Variants in IRAK3 observed in about 807,000 individuals in gnomAD.
IRAK3 encodes interleukin-1 receptor-associated kinase 3.
Under a neutral mutation model 56.6 loss-of-function variants are expected in IRAK3, and 57 were observed. That is an observed-to-expected ratio of 1.01 (90% CI 0.81 to 1.26). The LOEUF (loss-of-function observed/expected upper bound fraction) is 1.26. Among genes scored for constraint, IRAK3 ranks in the 50% most tolerant of loss-of-function variants. IRAK3 has a pLI of 0.00. For missense variants in IRAK3, 703 were observed against 719.0 expected (o/e 0.98, Z 0.25); for synonymous variants, 258 against 255.7 (o/e 1.01, Z -0.09).
chr12:66,229,786 C>T (rs1321294074), intron 8 of IRAK3, among the ~76,000 whole-genome samples: 1 of 152,168 alleles, frequency 6.6e-6, no homozygotes, highest in African/African-American at 2.4e-5. Flanking sequence ...CTCCTCCACT[C>T]AGCTTGCAAC....
At chr12:66,197,003 A>G (rs2052460411) in intron 1 of IRAK3, 2 of 1,533,852 alleles carry the variant, frequency 1.3e-6, no homozygotes, top group Non-Finnish European at 1.7e-6. Context: ...ACCCCTTCAG[A>G]GACATATTTG....
chr12:66,222,648 T>C (rs1317515423), intron 6 of IRAK3, among the ~76,000 whole-genome samples: 1 of 152,172 alleles, frequency 6.6e-6, no homozygotes, highest in Non-Finnish European at 1.5e-5. Flanking sequence ...TTCTATGAAG[T>C]AGCTTATAAT....
intron 1 of IRAK3, among the ~76,000 whole-genome samples, chr12:66,200,474 G>C (rs2052496038): frequency 6.6e-6 from 1 of 152,164 alleles, no homozygotes; most frequent in Admixed American, 6.5e-5. Flanking sequence ...AAAGGGCAGG[G>C]AGATGGAATC....
intron 2 of IRAK3, among the ~76,000 whole-genome samples, chr12:66,205,487 A>G (rs1006131664): frequency 6.6e-5 from 10 of 152,208 alleles, no homozygotes; most frequent in Non-Finnish European, 1.0e-4. Flanking sequence ...ATTAAATAAC[A>G]ATTTTGAAAA....
At position 66,189,250 on chromosome 12, in the gene IRAK3, G is replaced by A; in HGVS notation, c.-50G>A. On this transcript the variant is annotated 5_prime_UTR_variant, in exon 1 of 12. In the 5' UTR this introduces an upstream ATG that the reference lacks. Coordinates refer to ENST00000261233, the MANE Select transcript of IRAK3 (RefSeq NM_007199.3). ...GGTTGTGTAACGGCCTGTCGCAGGC[G>A]TGCAGGGACCTGGACTCCGCCTCGT... The A allele has an allele frequency of 1.3e-6, 2 of 1,531,254 alleles. No individual in the cohort carries two copies. Among genetic ancestry groups the A allele is most frequent in the Non-Finnish European group, 1.7e-6 (2 of 1,144,102 alleles). The allele number at this position is 1,531,254 out of a possible 1,614,324, so 94.9% of individuals were successfully genotyped here.
intron 5 of IRAK3, among the ~76,000 whole-genome samples, chr12:66,216,063 T>G (rs555533133): frequency 6.6e-6 from 1 of 152,274 alleles, no homozygotes; most frequent in South Asian, 2.1e-4. Flanking sequence ...TTGCCATTTC[T>G]CGGCAGCTCC....
chr12:66,245,049 A>AT, intron 10 of IRAK3, 39 bp downstream of exon 10: 1 of 1,613,866 alleles, frequency 6.2e-7, no homozygotes. Context: ...TCTCTTGGTC[A>AT]TTTTTTGATC....
chr12:66,214,749 T>A (rs1592586057), intron 5 of IRAK3, among the ~76,000 whole-genome samples: 1 of 152,256 alleles, frequency 6.6e-6, no homozygotes, highest in Admixed American at 6.5e-5. Flanking sequence ...TTTAAAAAAA[T>A]GAACTTTTAA....
At position 66,203,811 on chromosome 12, in the gene IRAK3, G is replaced by GA; in HGVS notation, c.239dup (p.Asn80LysfsTer6). The stretch of plus-strand genomic sequence containing the variant: ...GAGAATTACTTTGGTCCTGGGCACA[G>GA]AAAAACAAGACCATCGGTGACCTTT... On this transcript the variant is annotated frameshift_variant, in exon 2 of 12. Transcript: ENST00000261233. LOFTEE classifies it high-confidence loss of function. 1 of 1,614,038 alleles carries GA rather than the reference G, an allele frequency of 6.2e-7. No homozygotes were observed. The highest frequency in any genetic ancestry group is 8.5e-7 in the Non-Finnish European group (1 of 1,179,936).
rs1305304632 is a variant in IRAK3, at chr12:66,244,938, T to G, written c.1087-10T>G. The G allele has an allele frequency of 3.1e-5, 49 of 1,596,850 alleles. No homozygotes were observed. The highest frequency in any genetic ancestry group is 4.2e-5 in the Non-Finnish European group (49 of 1,164,446). On this transcript the variant is annotated splice_polypyrimidine_tract_variant and intron_variant, in intron 9 of 11. Coordinates refer to ENST00000261233, the MANE Select transcript of IRAK3 (RefSeq NM_007199.3). ...AGATATATAGCTGACTTTCTATATA[T>G]TCCTTGTAGGTAATAATGGAAGTTC... is the stretch of plus-strand genomic sequence containing the variant.
rs1268494671 is a variant in IRAK3 at position 66,247,701 on chromosome 12, A to G, written c.1321A>G (p.Asn441Asp). 2.5e-6 allele frequency: 4 copies of G among 1,606,054 alleles called. No individual in the cohort carries two copies. The highest frequency in any genetic ancestry group is 2.2e-5 in the East Asian group (1 of 44,842). ...TTTGCTTCTTTGTTATTAGGTTTTA[A>G]ATACTCTTGAAAGTACTCAAGCCAG... is the stretch of plus-strand genomic sequence containing the variant. ...KLRPSMDEVLNTLESTQASLY... is the reference protein window; with the variant it reads ...KLRPSMDEVLDTLESTQASLY... Residue 441 changes from asparagine (N) to aspartate (D), a missense_variant, in exon 12 of 12, where the codon AAT becomes GAT. Asn to Asp is a conservative substitution (Grantham distance 23, BLOSUM62 1). Coordinates refer to ENST00000261233, the MANE Select transcript of IRAK3 (RefSeq NM_007199.3).
intron 8 of IRAK3, among the ~76,000 whole-genome samples, chr12:66,239,617 C>A (rs2052944247): frequency 6.6e-6 from 1 of 152,036 alleles, no homozygotes; most frequent in Non-Finnish European, 1.5e-5. Flanking sequence ...CCCTCATAAC[C>A]CCCTCAAAAA....
At position 66,252,890 on chromosome 12, in the gene IRAK3, T is replaced by C. The variant is rs1231643426; in HGVS notation, c.*4719T>C. On this transcript the variant is annotated 3_prime_UTR_variant, in exon 12 of 12. Transcript: ENST00000261233. ...ATTCTTCTATTGGTATGTGGTTTCT[T>C]TGGGGCATTTGTTTGGATACTGATG... The C allele has an allele frequency of 6.6e-6, 1 of 152,260 alleles. No homozygotes were observed. The highest frequency in any genetic ancestry group is 1.5e-5 in the Non-Finnish European group (1 of 68,080). The allele number at this position is 152,260 out of a possible 1,614,324, so 9.4% of individuals were successfully genotyped here.
chr12:66,204,778 G>GCACACACACACA (rs59511601), intron 2 of IRAK3, among the ~76,000 whole-genome samples: 3 of 147,920 alleles, frequency 2.0e-5, no homozygotes, highest in South Asian at 2.2e-4. Context: ...GAGCCCTTGC[G>GCACACACACACA]CACACACACA....
At chr12:66,225,589 T>C (rs2052777690) in intron 6 of IRAK3, among the ~76,000 whole-genome samples, 1 of 152,110 alleles carries the variant, frequency 6.6e-6, no homozygotes, top group East Asian at 1.9e-4. Flanking sequence ...GCCCAGAACA[T>C]AGTAGATGTC....
chr12:66,240,777 C>T (rs566114309), intron 8 of IRAK3, among the ~76,000 whole-genome samples: 96 of 150,994 alleles, frequency 6.4e-4, no homozygotes, highest in African/African-American at 1.8e-3. Flanking sequence ...GGCACCCAGG[C>T]GCTGGACTGC....
At chr12:66,229,977 A>C (rs149855038) in intron 8 of IRAK3, among the ~76,000 whole-genome samples, 1 of 152,342 alleles carries the variant, frequency 6.6e-6, no homozygotes, top group African/African-American at 2.4e-5. Flanking sequence ...AGTTCATCAA[A>C]TCCTTTCCTG....
intron 6 of IRAK3, among the ~76,000 whole-genome samples, chr12:66,221,227 C>G (rs2052730148): frequency 6.6e-6 from 1 of 152,138 alleles, no homozygotes; most frequent in Admixed American, 6.5e-5. Flanking sequence ...TTGTATTATG[C>G]AACTTTTCTG....
chr12:66,196,007 C>T (rs1414957461), intron 1 of IRAK3, among the ~76,000 whole-genome samples: 8 of 151,770 alleles, frequency 5.3e-5, no homozygotes, highest in Admixed American at 2.0e-4. Context: ...TCTTATGCCT[C>T]TTTTCCACTT....
Sources: gnomAD v4.1 joint callset for allele counts (sites outside exome capture counted in the v4.1 genomes callset) on GRCh38, gnomAD v4.1.1 for gene constraint, MANE v1.5 for transcripts, NCBI Gene and HGNC (gene_info 2026-07-23, HGNC 2026-07-21) for gene names.